The following DRAP1 variants were observed in gnomAD, a reference collection of about 807,000 sequenced individuals.
DRAP1 encodes the protein dr1-associated corepressor.
A neutral mutation model predicts 24.1 loss-of-function variants in DRAP1; 10 were observed. That is an observed-to-expected ratio of 0.41 (90% CI 0.26 to 0.70). DRAP1 has a LOEUF of 0.70. Among genes scored for constraint, DRAP1 ranks in the 30% least tolerant of loss-of-function variants. The pLI is 0.29. For missense variants in DRAP1, 264 were observed against 275.6 expected (o/e 0.96, Z 0.30); for synonymous variants, 122 against 113.8 (o/e 1.07, Z -0.46).
chr11:65,921,280 A>G, intron 6 of DRAP1, 50 bp from the exon 7 acceptor site: 1 of 1,115,134 alleles, frequency 9.0e-7, no homozygotes, highest in South Asian at 1.3e-5. Context: ...GCCCCTGTGG[A>G]GGGCACGGTG....
intron 5 of DRAP1, 59 bp downstream of exon 5, chr11:65,920,721 C>T (rs1324889300): frequency 1.4e-6 from 2 of 1,455,616 alleles, no homozygotes; most frequent in Non-Finnish European, 9.1e-7. Flanking sequence ...AGCCTCGCCC[C>T]AGGCTGAACT....
At position 65,921,450 on chromosome 11, in the gene DRAP1, C is replaced by T. The variant is rs200928475; in HGVS notation, c.*15C>T. The T allele has an allele frequency of 2.9e-6, 4 of 1,394,326 alleles. No homozygotes were observed. In the East Asian group the frequency reaches 9.2e-5, roughly 32 times the overall value. The allele number at this position is 1,394,326 out of a possible 1,614,324, so 86.4% of individuals were successfully genotyped here. ...ACGACTCCTAGCGCCTTCTGCCCCC[C>T]AGACCATAGCCCCTTTTAGTTGGTT... On this transcript the variant is annotated 3_prime_UTR_variant, in exon 7 of 7. Coordinates refer to ENST00000312515, the MANE Select transcript of DRAP1 (RefSeq NM_006442.4).
chr11:65,921,136 A>G, intron 6 of DRAP1, 164 bp downstream of exon 6: 1 of 680,234 alleles, frequency 1.5e-6, no homozygotes, highest in South Asian at 2.0e-5. Flanking sequence ...CTCCCGAAAG[A>G]TCCTGCTCCA....
Position 65,921,416 on chromosome 11 carries a change from A to G in DRAP1, c.599A>G (p.Glu200Gly), listed in dbSNP as rs1159505236. Reference sequence around the variant, plus strand: ...CCCTCAGCACCTGATGAAGAGGACGAAGAAGATTACGACTCCTAGCGCCTT... The same window carrying G: ...CCCTCAGCACCTGATGAAGAGGACGGAGAAGATTACGACTCCTAGCGCCTT... ...PGPSAPDEED[E>G]EDYDS is the part of the protein sequence containing the mutation. Residue 200 changes from glutamate (E) to glycine (G), a missense_variant, in exon 7 of 7, where the codon GAA becomes GGA. Glu to Gly is a moderately conservative substitution (Grantham distance 98). Transcript: ENST00000312515. 1 of 1,608,680 alleles carries G rather than the reference A, an allele frequency of 6.2e-7. No homozygotes were observed. Among genetic ancestry groups the G allele is most frequent in the Non-Finnish European group, 8.5e-7 (1 of 1,175,338 alleles).
In DRAP1 at chr11:65,919,962, C is replaced by T. The variant is rs752391356; in HGVS notation, c.130C>T (p.Leu44Phe). ...ACGCTCCTCAGCCCGGGCGCTCGAG[C>T]TCTTCCTAGAGTCGCTGTTGAAGAA... ...VPVIISRALE[L>F]FLESLLKKAC... Residue 44 changes from leucine (L) to phenylalanine (F), a missense_variant, in exon 3 of 7, where the codon CTC becomes TTC. By Grantham distance (22) the Leu-to-Phe change is conservative. Coordinates refer to ENST00000312515, the MANE Select transcript of DRAP1 (RefSeq NM_006442.4). 6.2e-7 allele frequency: 1 copy of T among 1,613,872 alleles called. No homozygotes were observed. Among genetic ancestry groups the T allele is most frequent in the South Asian group, 1.1e-5 (1 of 91,088 alleles).
rs1854549625 is a variant in DRAP1, at chr11:65,921,435, G to A, written c.618G>A (p.Ter206=). 6.3e-7 allele frequency: 1 copy of A among 1,579,774 alleles called. No individual in the cohort carries two copies. Among genetic ancestry groups the A allele is most frequent in the East Asian group, 2.2e-5 (1 of 44,626 alleles). Residue 206 remains the stop codon, a stop_retained_variant, in exon 7 of 7, where the codon TAG becomes TAA. Transcript: ENST00000312515. ...DEEDEEDYDS[*] is the part of the protein sequence containing the mutation. Reference sequence around the variant, plus strand: ...AGGACGAAGAAGATTACGACTCCTAGCGCCTTCTGCCCCCCAGACCATAGC... The same window carrying A: ...AGGACGAAGAAGATTACGACTCCTAACGCCTTCTGCCCCCCAGACCATAGC...
rs1447630272 is a variant in DRAP1, at chr11:65,919,988, G to C, written c.156G>C (p.Lys52Asn). 1.9e-6 allele frequency: 3 copies of C among 1,613,808 alleles called. No individual in the cohort carries two copies. The highest frequency in any genetic ancestry group is 2.5e-6 in the Non-Finnish European group (3 of 1,179,936). The change falls in exon 3 of 7, where the codon AAG becomes AAC. Residue 52 changes from lysine (K) to asparagine (N), a missense_variant. Lys to Asn is a moderately conservative substitution (Grantham distance 94). Around this residue, in one of 2 missense-constraint regions of DRAP1, gnomAD observed 243 missense variants for 233.6 expected, o/e 1.04. Transcript: ENST00000312515. ...TCTTCCTAGAGTCGCTGTTGAAGAA[G>C]GCCTGCCAGGTGACCCAGTCGCGGA... ...LELFLESLLK[K>N]ACQVTQSRNA...
intron 6 of DRAP1, 109 bp downstream of exon 6, chr11:65,921,081 G>A: frequency 1.2e-6 from 1 of 860,066 alleles, no homozygotes; most frequent in Non-Finnish European, 1.8e-6. Flanking sequence ...GATTTGTGGG[G>A]TGGAAGGAGA....
At chr11:65,919,666 C>G in intron 1 of DRAP1, 114 bp from the exon 2 acceptor site, 7 of 1,517,800 alleles carry the variant, frequency 4.6e-6, no homozygotes. Context: ...CCCCTCCATG[C>G]CCTCCCCGCG....
intron 3 of DRAP1, 104 bp from the exon 4 acceptor site, chr11:65,920,239 C>T (rs1455925371): frequency 6.4e-7 from 1 of 1,550,518 alleles, no homozygotes; most frequent in Non-Finnish European, 8.8e-7. Flanking sequence ...GAGCGGAGAT[C>T]GGCCCGGGCT....
At chr11:65,920,517 G>A (rs896530819) in intron 4 of DRAP1, 52 bp from the exon 5 acceptor site, 14 of 1,611,740 alleles carry the variant, frequency 8.7e-6, no homozygotes, top group Non-Finnish European at 1.2e-5. Context: ...GGGCTTGGGG[G>A]TGGCCAAGGA....
chr11:65,920,197 G>C, intron 3 of DRAP1, 146 bp from the exon 4 acceptor site: 1 of 1,442,960 alleles, frequency 6.9e-7, no homozygotes, highest in Non-Finnish European at 9.4e-7. Context: ...CCAGGCAGAG[G>C]GAGCCACCTG....
At position 65,920,324 on chromosome 11, in the gene DRAP1, C is replaced by T. The variant is rs1446871957; in HGVS notation, c.210-19C>T. 2.5e-6 allele frequency: 4 copies of T among 1,613,730 alleles called. No homozygotes were observed. The highest frequency in any genetic ancestry group is 1.1e-5 in the South Asian group (1 of 91,022). On this transcript the variant is annotated intron_variant, in intron 3 of 6. Coordinates refer to ENST00000312515, the MANE Select transcript of DRAP1 (RefSeq NM_006442.4). The stretch of plus-strand genomic sequence containing the variant: ...GTCTGGGCCCCTCTTGAGTGCCAGC[C>T]CCTCCTCACCTCTTCCAGGAAGCAG...
In DRAP1 at chr11:65,919,615, A is replaced by G; in HGVS notation, c.42+72A>G. ...GGCTTGGGCCCAGTTCCCGCTGGGC[A>G]GGCGGGCGCGCCGCGGTGTTCGGGG... On this transcript the variant is annotated intron_variant, in intron 1 of 6. Transcript: ENST00000312515. 5 of 1,540,156 alleles carry G rather than the reference A, an allele frequency of 3.2e-6. No individual in the cohort carries two copies. The South Asian group carries it at 4.8e-5, about 15-fold the overall frequency.
At position 65,921,490 on chromosome 11, in the gene DRAP1, G is replaced by A. The variant is rs1854550941; in HGVS notation, c.*55G>A. ...TTTAGTTGGTTTTAGTTGCTCTGGGGGGAGGAGAGAAGGTAGAGCTGTTCT... is the reference window on the plus strand; with the variant it reads ...TTTAGTTGGTTTTAGTTGCTCTGGGAGGAGGAGAGAAGGTAGAGCTGTTCT... On this transcript the variant is annotated 3_prime_UTR_variant, in exon 7 of 7. Transcript: ENST00000312515. 2.4e-6 allele frequency: 2 copies of A among 830,616 alleles called. No homozygotes were observed. Among genetic ancestry groups the A allele is most frequent in the East Asian group, 2.6e-5 (1 of 39,160 alleles). 51.5% of individuals were successfully genotyped at this position (830,616 alleles called of 1,614,324 possible).
chr11:65,920,243 C>T, intron 3 of DRAP1, 100 bp from the exon 4 acceptor site: 15 of 1,567,030 alleles, frequency 9.6e-6, no homozygotes, highest in Non-Finnish European at 1.2e-5. Flanking sequence ...GGAGATCGGC[C>T]CGGGCTCCAG....
Position 65,920,030 on chromosome 11 carries a change from C to T in DRAP1, c.198C>T (p.Thr66=). 1 of 1,613,522 alleles carries T rather than the reference C, an allele frequency of 6.2e-7. No homozygotes were observed. The highest frequency in any genetic ancestry group is 8.5e-7 in the Non-Finnish European group (1 of 1,179,888). Residue 66 remains threonine (T), a synonymous_variant, in exon 3 of 7, where the codon ACC becomes ACT. Transcript: ENST00000312515. Reference sequence around the variant, plus strand: ...AGTCGCGGAACGCGAAGACCATGACCACATCCCACCTGTGAGCGGCGAGGA... The same window carrying T: ...AGTCGCGGAACGCGAAGACCATGACTACATCCCACCTGTGAGCGGCGAGGA... ...VTQSRNAKTM[T]TSHLKQCIEL...
rs1367126761 is a variant in DRAP1, at chr11:65,919,432, C to G, written c.-70C>G. The G allele has an allele frequency of 7.5e-6, 11 of 1,462,978 alleles. No individual in the cohort carries two copies. The East Asian group carries it at 3.2e-4, about 42-fold the overall frequency. 90.6% of individuals were successfully genotyped at this position (1,462,978 alleles called of 1,614,324 possible). ...CAGGGGAACCGCGACGGGCGGGCGGCGAGCAGGCCCGGGAGCCGGGAGGCT... is the reference window on the plus strand; with the variant it reads ...CAGGGGAACCGCGACGGGCGGGCGGGGAGCAGGCCCGGGAGCCGGGAGGCT... On this transcript the variant is annotated 5_prime_UTR_variant, in exon 1 of 7. Transcript: ENST00000312515.
rs897902815 is a variant in DRAP1, at chr11:65,921,525, T to TA, written c.*101dup. 0.019 allele frequency: 9,154 copies of TA among 484,558 alleles called. No homozygotes were observed. Among genetic ancestry groups the TA allele is most frequent in the East Asian group, 0.022 (565 of 25,402 alleles). 30.0% of individuals were successfully genotyped at this position (484,558 alleles called of 1,614,324 possible). ...AAGGTAGAGCTGTTCTTAAATTTAT[T>TA]AAAAAAAAAAATAAAAGGGAATCTC... On this transcript the variant is annotated 3_prime_UTR_variant, in exon 7 of 7. Transcript: ENST00000312515.
Sources: allele counts gnomAD v4.1 joint callset, GRCh38; gene constraint gnomAD v4.1.1; regional missense constraint gnomAD v4.1.1; transcripts MANE v1.5; gene names NCBI Gene and HGNC (gene_info 2026-07-23, HGNC 2026-07-21).